The following RAB11FIP5 variants were observed in gnomAD, a reference collection of about 807,000 sequenced individuals.
RAB11FIP5 encodes rab11 family-interacting protein 5.
RAB11FIP5 carries 48 observed loss-of-function variants against 85.1 expected under a neutral mutation model. The ratio of observed to expected loss-of-function variants is 0.56; its 90% CI spans 0.45 to 0.72. The LOEUF (loss-of-function observed/expected upper bound fraction) is 0.72. RAB11FIP5 is among the 30% of genes least tolerant of loss of function. The pLI is 0.00. For missense variants in RAB11FIP5, 1,491 were observed against 1,687.0 expected (o/e 0.88, Z 2.04); for synonymous variants, 729 against 727.3 (o/e 1.00, Z -0.04).
At chr2:73,110,780 G>T (rs1375949334) in intron 1 of RAB11FIP5, among the ~76,000 whole-genome samples, 1 of 151,736 alleles carries the variant, frequency 6.6e-6, no homozygotes, top group Admixed American at 6.6e-5. Context: ...GCCTTTTTTT[G>T]GTCTGCCTCC....
Position 73,112,534 on chromosome 2 carries a change from G to A in RAB11FIP5, c.244C>T (p.Leu82=). Residue 82 remains leucine, a synonymous_variant, in exon 1 of 6, where the codon CTG becomes TTG. Transcript: ENST00000486777. ...ECSFELPPGA[L]DGLLRAQEAD... ...TCCTGCGCCCGCAGCAGGCCATCCA[G>A]GGCCCCCGGCGGCAGCTCGAAGGAG... 1 of 1,531,538 alleles carries A rather than the reference G, an allele frequency of 6.5e-7. No homozygotes were observed. The highest frequency in any genetic ancestry group is 8.8e-7 in the Non-Finnish European group (1 of 1,140,690). The allele number at this position is 1,531,538 out of a possible 1,614,324, so 94.9% of individuals were successfully genotyped here.
At chr2:73,077,665 G>A (rs1045833247) in intron 4 of RAB11FIP5, among the ~76,000 whole-genome samples, 17 of 152,104 alleles carry the variant, frequency 1.1e-4, no homozygotes, top group Non-Finnish European at 1.8e-4. Context: ...CCTTCCTCCC[G>A]TTGGCTCACT....
rs772153211 is a variant in RAB11FIP5, at chr2:73,089,149, T to C, written c.598A>G (p.Lys200Glu). 6 of 1,614,090 alleles carry C rather than the reference T, an allele frequency of 3.7e-6. No individual in the cohort carries two copies. In the African/African-American group the frequency reaches 6.7e-5, roughly 18 times the overall value. Residue 200 changes from lysine to glutamate, a missense_variant, in exon 2 of 6, where the codon AAG becomes GAG. Transcript: ENST00000486777. The surrounding 1 kb of genome is among the most constrained non-coding windows in gnomAD (Gnocchi z 4.6). Reference protein sequence around the residue: ...FSKIRDKMKGKKKYDLESASA... With the variant: ...FSKIRDKMKGEKKYDLESASA... ...GCAGATTCCAGATCATACTTCTTCT[T>C]GCCCTTCATCTTGTCCCTGATCTTG...
At chr2:73,102,280 C>T (rs1449511438) in intron 1 of RAB11FIP5, among the ~76,000 whole-genome samples, 1 of 152,090 alleles carries the variant, frequency 6.6e-6, no homozygotes, top group African/African-American at 2.4e-5. Context: ...ACAGGACTGA[C>T]ACTATGCTGC....
At chr2:73,076,289 A>C in intron 4 of RAB11FIP5, 107 bp from the exon 5 acceptor site, 1 of 1,098,386 alleles carries the variant, frequency 9.1e-7, no homozygotes, top group Non-Finnish European at 1.3e-6. Context: ...CAGAAAGCCC[A>C]GCACTGGGTG....
chr2:73,081,223 G>C lies in RAB11FIP5; in HGVS notation c.2009C>G (p.Ala670Gly). The C allele has an allele frequency of 5.7e-6, 7 of 1,232,402 alleles. No individual in the cohort carries two copies. The highest frequency in any genetic ancestry group is 4.2e-5 in the Admixed American group (1 of 23,726). 76.3% of individuals were successfully genotyped at this position (1,232,402 alleles called of 1,614,324 possible). A position where few individuals can be genotyped will look rare whatever the true frequency, so the allele number is the denominator to read the frequency against. Residue 670 changes from alanine (A) to glycine (G), a missense_variant, in exon 4 of 6, where the codon GCC (alanine) becomes GGC (glycine). Physicochemically the swap from Ala to Gly is moderately conservative, Grantham distance 60 (BLOSUM62 0). This residue lies in a region of RAB11FIP5 where 1,211 missense variants were observed against 1,338.0 expected (regional missense o/e 0.91). Transcript: ENST00000486777. The surrounding 1 kb of genome is among the most constrained non-coding windows in gnomAD (Gnocchi z 4.2). Reference protein sequence around the residue: ...LRPEARSEILAPAGVGLEAAG... With the variant: ...LRPEARSEILGPAGVGLEAAG... ...CGCCTCCAGCCCCACTCCTGCAGGGGCCAGGATCTCGCTCCTGGCCTCTGG... is the reference window on the plus strand; with the variant it reads ...CGCCTCCAGCCCCACTCCTGCAGGGCCCAGGATCTCGCTCCTGGCCTCTGG...
chr2:73,081,233 C>A lies in RAB11FIP5; in HGVS notation c.1999G>T (p.Glu667Ter). The A allele has an allele frequency of 8.1e-7, 1 of 1,232,284 alleles. No individual in the cohort carries two copies. 76.3% of individuals were successfully genotyped at this position (1,232,284 alleles called of 1,614,324 possible). A position where few individuals can be genotyped will look rare whatever the true frequency, so the allele number is the denominator to read the frequency against. The change falls in exon 4 of 6, where the codon GAG (glutamate) becomes TAG (stop). Residue 667 changes from glutamate (E) to a stop codon, truncating the protein, a stop_gained. Coordinates refer to ENST00000486777, the MANE Select transcript of RAB11FIP5 (RefSeq NM_001371272.1). LOFTEE classifies it high-confidence loss of function. The surrounding 1 kb of genome is among the most constrained non-coding windows in gnomAD (Gnocchi z 4.2). Reference protein sequence around the residue: ...ASRLRPEARSEILAPAGVGLE... With the variant: ...ASRLRPEARS ...CCCACTCCTGCAGGGGCCAGGATCT[C>A]GCTCCTGGCCTCTGGACGCAGCCTG... is the stretch of plus-strand genomic sequence containing the variant.
chr2:73,075,248 C>G lies in RAB11FIP5; in HGVS notation c.*273G>C, dbSNP rs1342711422. On this transcript the variant is annotated 3_prime_UTR_variant, in exon 6 of 6. Coordinates refer to ENST00000486777, the MANE Select transcript of RAB11FIP5 (RefSeq NM_001371272.1). This position sits in a 1 kb window ranked among gnomAD's most constrained non-coding sequence, Gnocchi z 4.6. ...CTGTCTTGGGGGAAGAGTTCCAATT[C>G]CCTGGGGCCCCCAAAGCTGAGGGAT... 2 of 687,760 alleles carry G rather than the reference C, an allele frequency of 2.9e-6. No homozygotes were observed. The allele number at this position is 687,760 out of a possible 1,614,324, so 42.6% of individuals were successfully genotyped here. A position where few individuals can be genotyped will look rare whatever the true frequency, so the allele number is the denominator to read the frequency against.
chr2:73,105,565 T>G (rs948085689), intron 1 of RAB11FIP5, among the ~76,000 whole-genome samples: 1 of 151,936 alleles, frequency 6.6e-6, no homozygotes, highest in African/African-American at 2.4e-5. Context: ...CCGAGAGGTA[T>G]CTGGTGGCAG....
chr2:73,105,636 A>G (rs1684510604), intron 1 of RAB11FIP5, among the ~76,000 whole-genome samples: 1 of 152,060 alleles, frequency 6.6e-6, no homozygotes, highest in Admixed American at 6.6e-5. Flanking sequence ...ATAAGGCTAG[A>G]GCTGCAGACC....
rs1433893489 is a variant in RAB11FIP5, at chr2:73,075,317, C to G, written c.*204G>C. The G allele has an allele frequency of 1.4e-6, 1 of 710,932 alleles. No individual in the cohort carries two copies. 44.0% of individuals were successfully genotyped at this position (710,932 alleles called of 1,614,324 possible). A position where few individuals can be genotyped will look rare whatever the true frequency, so the allele number is the denominator to read the frequency against. ...GAAAGACCCAGGGCTCCCAAAGACA[C>G]ACAAGTTGTGCACAGAACCTGATGC... On this transcript the variant is annotated 3_prime_UTR_variant, in exon 6 of 6. Coordinates refer to ENST00000486777, the MANE Select transcript of RAB11FIP5 (RefSeq NM_001371272.1). This position sits in a 1 kb window ranked among gnomAD's most constrained non-coding sequence, Gnocchi z 4.6.
rs1684123878 is a variant in RAB11FIP5, at chr2:73,088,055, T to A, written c.1563A>T (p.Lys521Asn). The change falls in exon 3 of 6, where the codon AAA becomes AAT. Residue 521 changes from lysine to asparagine, a missense_variant. Physicochemically the swap from Lys to Asn is moderately conservative, Grantham distance 94. Around this residue, in one of 3 missense-constraint regions of RAB11FIP5, gnomAD observed 1,211 missense variants for 1,338.0 expected, o/e 0.91. Coordinates refer to ENST00000486777, the MANE Select transcript of RAB11FIP5 (RefSeq NM_001371272.1). Reference protein sequence around the residue: ...GLREAKDPTQKPSLDVSPQVE... With the variant: ...GLREAKDPTQNPSLDVSPQVE... ...TGGTCTTGCCAACGACTTACCTGGG[T>A]TTCTGAGTCGGGTCCTTGGCTTCTC... is the stretch of plus-strand genomic sequence containing the variant. 4 of 1,589,986 alleles carry A rather than the reference T, an allele frequency of 2.5e-6. No homozygotes were observed. The South Asian group carries it at 3.4e-5, about 14-fold the overall frequency.
At position 73,075,362 on chromosome 2, in the gene RAB11FIP5, G is replaced by T; in HGVS notation, c.*159C>A. 1 of 781,582 alleles carries T rather than the reference G, an allele frequency of 1.3e-6. No individual in the cohort carries two copies. The highest frequency in any genetic ancestry group is 2.2e-4 in the Middle Eastern group (1 of 4,512). 48.4% of individuals were successfully genotyped at this position (781,582 alleles called of 1,614,324 possible). ...TGATGCCTCCAAAGGGAATCCAGAG[G>T]GCCCCCTTCCAGCAGCCCCAGTTGA... On this transcript the variant is annotated 3_prime_UTR_variant, in exon 6 of 6. Coordinates refer to ENST00000486777, the MANE Select transcript of RAB11FIP5 (RefSeq NM_001371272.1). The surrounding 1 kb of genome is among the most constrained non-coding windows in gnomAD (Gnocchi z 4.6).
rs1558526101 is a variant in RAB11FIP5, at chr2:73,112,674, C to T, written c.104G>A (p.Ser35Asn). The T allele has an allele frequency of 4.4e-6, 7 of 1,592,046 alleles. No individual in the cohort carries two copies. The highest frequency in any genetic ancestry group is 1.1e-5 in the South Asian group (1 of 87,714). The change falls in exon 1 of 6, where the codon AGC becomes AAC. Residue 35 changes from serine to asparagine, a missense_variant. By Grantham distance (46) the Ser-to-Asn change is conservative (BLOSUM62 1). Around this residue, in one of 3 missense-constraint regions of RAB11FIP5, gnomAD observed 1,211 missense variants for 1,338.0 expected, o/e 0.91. Transcript: ENST00000486777. ...GTCGCTGGTGCTGCCCGCTCCCGAG[C>T]TCTTGCCCCGCAGCCCGCGGGCCCG... ...VLRARGLRGK[S>N]SGAGSTSDAY... is the part of the protein sequence containing the mutation.
intron 1 of RAB11FIP5, among the ~76,000 whole-genome samples, chr2:73,101,885 C>A (rs564962677): frequency 1.3e-5 from 2 of 152,354 alleles, no homozygotes; most frequent in Non-Finnish European, 2.9e-5. Context: ...TCAGCCAGGC[C>A]TCTGCTCCAA....
chr2:73,089,006 C>T lies in RAB11FIP5; in HGVS notation c.741G>A (p.Gln247=), dbSNP rs1448361165. 1.2e-6 allele frequency: 2 copies of T among 1,614,224 alleles called. No homozygotes were observed. Among genetic ancestry groups the T allele is most frequent in the Non-Finnish European group, 1.7e-6 (2 of 1,180,036 alleles). ...TGTCCGAGCCCAGCGAGGTGTTGGA[C>T]TGGGTCAGGGACGACTTGCGCAGCT... The part of the protein sequence containing the change: ...RNKLRKSSLT[Q]SNTSLGSDST... Residue 247 remains glutamine, a synonymous_variant, in exon 2 of 6, where the codon CAG becomes CAA. Coordinates refer to ENST00000486777, the MANE Select transcript of RAB11FIP5 (RefSeq NM_001371272.1). This position sits in a 1 kb window ranked among gnomAD's most constrained non-coding sequence, Gnocchi z 4.6.
At chr2:73,110,629 C>CAGGCT (rs1218057333) in intron 1 of RAB11FIP5, among the ~76,000 whole-genome samples, 1 of 152,224 alleles carries the variant, frequency 6.6e-6, no homozygotes, top group African/African-American at 2.4e-5. Flanking sequence ...TTCTCCAAGA[C>CAGGCT]AGGCTGTTCT....
Position 73,089,271 on chromosome 2 carries a change from C to T in RAB11FIP5, c.476G>A (p.Arg159His), listed in dbSNP as rs147626551. The change falls in exon 2 of 6, where the codon CGC becomes CAC. Residue 159 changes from arginine to histidine, a missense_variant. Arg to His is a conservative substitution (Grantham distance 29). Around this residue, in one of 3 missense-constraint regions of RAB11FIP5, gnomAD observed 1,211 missense variants for 1,338.0 expected, o/e 0.91. Coordinates refer to ENST00000486777, the MANE Select transcript of RAB11FIP5 (RefSeq NM_001371272.1). The surrounding 1 kb of genome is among the most constrained non-coding windows in gnomAD (Gnocchi z 4.6). ...CTGGATGGTGACTTCAATCTCGCCG[C>T]GTTCCTTCTCCTTCTTGCCTGGCTT... The part of the protein sequence containing the change: ...HSKPGKKEKE[R>H]GEIEVTIQFT... 37 of 1,614,026 alleles carry T rather than the reference C, an allele frequency of 2.3e-5. No homozygotes were observed. The African/African-American group carries it at 3.7e-4, about 16-fold the overall frequency.
At chr2:73,093,168 G>A (rs1033624843) in intron 1 of RAB11FIP5, among the ~76,000 whole-genome samples, 3 of 152,198 alleles carry the variant, frequency 2.0e-5, no homozygotes, top group Admixed American at 6.5e-5. Flanking sequence ...ACGCAGCAGA[G>A]CAAATGGGCT....
Sources: gnomAD v4.1 joint callset for allele counts (sites outside exome capture counted in the v4.1 genomes callset) on GRCh38, gnomAD v4.1.1 for gene constraint, gnomAD v4.1.1 regional missense constraint, Gnocchi (gnomAD v3.1) non-coding constraint, MANE v1.5 for transcripts, NCBI Gene and HGNC (gene_info 2026-07-23, HGNC 2026-07-21) for gene names.